The following IARS1 variants were observed in gnomAD, a reference collection of about 807,000 sequenced individuals.
The protein encoded by IARS1 is isoleucyl-tRNA synthetase 1, also known as isoleucine--tRNA ligase, cytoplasmic.
A neutral mutation model predicts 168.2 loss-of-function variants in IARS1; 124 were observed. That is an observed-to-expected ratio of 0.74 (90% confidence interval 0.64 to 0.86). IARS1 has a LOEUF of 0.86. IARS1 is among the 40% of genes least tolerant of loss of function. The pLI, the probability that IARS1 is intolerant of heterozygous loss-of-function variation, is 0.00. For synonymous variants in IARS1, 532 were observed against 529.4 expected (o/e 1.00, Z -0.07); for missense variants, 1,452 against 1,515.8 (o/e 0.96, Z 0.70).
intron 1 of IARS1, among the ~76,000 whole-genome samples, chr9:92,291,227 C>A (rs180816361): frequency 6.6e-6 from 1 of 151,920 alleles, no homozygotes; most frequent in East Asian, 1.9e-4. Flanking sequence ...AGTATCAGAT[C>A]AGAAGGGGAT....
intron 16 of IARS1, among the ~76,000 whole-genome samples, chr9:92,263,364 A>C (rs963229766): frequency 3.3e-5 from 5 of 152,252 alleles, no homozygotes; most frequent in Admixed American, 2.6e-4. Flanking sequence ...AGAAGCACCT[A>C]GCTGAAGATG....
chr9:92,252,218 A>T (rs1225052201), intron 21 of IARS1, among the ~76,000 whole-genome samples: 1 of 152,254 alleles, frequency 6.6e-6, no homozygotes, highest in Admixed American at 6.5e-5. Flanking sequence ...AGACAAAAAC[A>T]GTTGCTAACC....
chr9:92,277,920 A>C lies in IARS1; in HGVS notation c.837T>G (p.Phe279Leu). 6.2e-7 allele frequency: 1 copy of C among 1,613,722 alleles called. No homozygotes were observed. Among genetic ancestry groups the C allele is most frequent in the Non-Finnish European group, 8.5e-7 (1 of 1,179,784 alleles). Residue 279 changes from phenylalanine to leucine, a missense_variant, in exon 9 of 34, where the codon TTT becomes TTG. Coordinates refer to ENST00000443024, the MANE Select transcript of IARS1 (RefSeq NM_002161.6). The stretch of plus-strand genomic sequence containing the variant: ...TCTTGCCTTTAAGATAGGCACCAGG[A>C]AATCTAGAAAAGGAGAAAGGCAAAC... ...LESDYEILER[F>L]PGAYLKGKKY...
At position 92,242,338 on chromosome 9, in the gene IARS1, C is replaced by G. The variant is rs1192519263; in HGVS notation, c.3001-8G>C. On this transcript the variant is annotated splice_region_variant and splice_polypyrimidine_tract_variant and intron_variant, in intron 28 of 33. Coordinates refer to ENST00000443024, the MANE Select transcript of IARS1 (RefSeq NM_002161.6). ...AGTTGGAACCAGATTGCACTGAAAA[C>G]ACACACAGAAAAATTTAAAAGGGAA... 1.2e-6 allele frequency: 2 copies of G among 1,604,100 alleles called. No homozygotes were observed. The highest frequency in any genetic ancestry group is 2.2e-5 in the South Asian group (2 of 89,382).
rs1587708339 is a variant in IARS1, at chr9:92,223,508, A to C, written c.3410-19T>G. ...TGTATTTCTAAAAATAACAACAACA[A>C]TTCTTTCAGGGTTAACGAACAAATT... On this transcript the variant is annotated intron_variant, in intron 31 of 33. Coordinates refer to ENST00000443024, the MANE Select transcript of IARS1 (RefSeq NM_002161.6). The C allele has an allele frequency of 1.2e-6, 2 of 1,603,018 alleles. No individual in the cohort carries two copies. Among genetic ancestry groups the C allele is most frequent in the Middle Eastern group, 3.4e-4 (2 of 5,804 alleles).
chr9:92,234,728 T>G (rs1425167079), intron 30 of IARS1, among the ~76,000 whole-genome samples: 1 of 152,168 alleles, frequency 6.6e-6, no homozygotes. Context: ...CAGGGAACCA[T>G]GTACTGTCTG....
At chr9:92,217,215 T>G (rs1460574576) in intron 33 of IARS1, among the ~76,000 whole-genome samples, 1 of 151,956 alleles carries the variant, frequency 6.6e-6, no homozygotes. Context: ...AAGATGTTCT[T>G]TGAAACCAAT....
intron 33 of IARS1, among the ~76,000 whole-genome samples, chr9:92,219,860 C>T (rs1049293037): frequency 6.7e-5 from 10 of 149,894 alleles, no homozygotes; most frequent in African/African-American, 2.2e-4. Flanking sequence ...GTCAGTGTGG[C>T]GATTCCTCAG....
At chr9:92,260,018 T>A in intron 18 of IARS1, 133 bp downstream of exon 18, 1 of 654,740 alleles carries the variant, frequency 1.5e-6, no homozygotes, top group Non-Finnish European at 2.7e-6. Context: ...CATACCAACA[T>A]AACATCCAAA....
intron 17 of IARS1, among the ~76,000 whole-genome samples, chr9:92,260,999 A>G (rs1471907120): frequency 1.3e-5 from 2 of 152,100 alleles, no homozygotes; most frequent in East Asian, 3.9e-4. Context: ...TAAAATCTCA[A>G]TGGAATTATG....
At chr9:92,288,061 A>G (rs1217437074) in intron 3 of IARS1, 65 bp downstream of exon 3, 133 of 1,545,432 alleles carry the variant, frequency 8.6e-5, no homozygotes, top group Non-Finnish European at 1.1e-4. Flanking sequence ...TGAACATATT[A>G]TATGACAAAA....
rs1587725329 is a variant in IARS1, at chr9:92,229,087, C to A, written c.3323G>T (p.Arg1108Met). Residue 1108 changes from arginine (R) to methionine (M), a missense_variant, in exon 31 of 34, where the codon AGG (arginine) becomes ATG (methionine). Transcript: ENST00000443024. Reference protein sequence around the residue: ...LLLENPKGDNRLDLLKLKSVV... With the variant: ...LLLENPKGDNMLDLLKLKSVV... ...ACTCTTCAGCTTTAAAAGGTCCAAC[C>A]TATTGTCACCTTTTGGATTTTCCAG... is the stretch of plus-strand genomic sequence containing the variant. 6.2e-7 allele frequency: 1 copy of A among 1,613,918 alleles called. No homozygotes were observed. Among genetic ancestry groups the A allele is most frequent in the East Asian group, 2.2e-5 (1 of 44,868 alleles).
chr9:92,218,751 A>G (rs1270981240), intron 33 of IARS1, among the ~76,000 whole-genome samples: 5 of 137,318 alleles, frequency 3.6e-5, no homozygotes, highest in African/African-American at 1.2e-4. Flanking sequence ...ACTACAAACC[A>G]CTGCTCAAGG....
At chr9:92,279,955 T>G (rs975714061) in intron 7 of IARS1, among the ~76,000 whole-genome samples, 1 of 152,248 alleles carries the variant, frequency 6.6e-6, no homozygotes, top group Non-Finnish European at 1.5e-5. Context: ...ATTCAAGGCA[T>G]AGCCTGTATC....
At position 92,281,980 on chromosome 9, in the gene IARS1, T is replaced by C. The variant is rs74358593; in HGVS notation, c.598-1087A>G. ...CTTTTTTGTTTTTCTTTCCTTCTTTTTTTCTTGTTAACTATAAAGGACACT... is the reference window on the plus strand; with the variant it reads ...CTTTTTTGTTTTTCTTTCCTTCTTTCTTTCTTGTTAACTATAAAGGACACT... On this transcript the variant is annotated intron_variant, in intron 6 of 33. Transcript: ENST00000443024. Among the ~76,000 whole-genome samples, 735 of 151,990 alleles carry C rather than the reference T, an allele frequency of 4.8e-3. 6 individuals carry two copies. The highest frequency in any genetic ancestry group is 0.015 in the African/African-American group (641 of 41,416).
chr9:92,244,866 T>C (rs1828947760), intron 27 of IARS1, 93 bp downstream of exon 27: 1 of 943,750 alleles, frequency 1.1e-6, no homozygotes, highest in South Asian at 1.4e-5. Flanking sequence ...TGAGACAAGC[T>C]GTCAACATTA....
At chr9:92,287,071 T>A (rs1835576034) in intron 4 of IARS1, among the ~76,000 whole-genome samples, 1 of 152,202 alleles carries the variant, frequency 6.6e-6, no homozygotes, top group Admixed American at 6.5e-5. Flanking sequence ...GTTATCACCA[T>A]CAATGTGACA....
rs1428363600 is a variant in IARS1, at chr9:92,222,623, C to T, written c.3603G>A (p.Gly1201=). 3 of 1,614,022 alleles carry T rather than the reference C, an allele frequency of 1.9e-6. No individual in the cohort carries two copies. The highest frequency in any genetic ancestry group is 2.5e-6 in the Non-Finnish European group (3 of 1,179,978). ...VGTLLLENPL[G]QNGLTHQGLL... is the part of the protein sequence containing the mutation. ...GACCTTGGTGGGTGAGTCCATTCTG[C>T]CCAAGTGGGTTTTCAAGCAGGAGAG... is the stretch of plus-strand genomic sequence containing the variant. The change falls in exon 33 of 34, where the codon GGG becomes GGA. Residue 1201 remains glycine (G), a synonymous_variant. Transcript: ENST00000443024.
intron 6 of IARS1, among the ~76,000 whole-genome samples, chr9:92,285,498 A>C (rs1255416424): frequency 6.6e-6 from 1 of 152,214 alleles, no homozygotes; most frequent in Non-Finnish European, 1.5e-5. Context: ...TATCACATTA[A>C]GACACATCAT....
Sources: allele counts gnomAD v4.1 joint callset (sites outside exome capture counted in the v4.1 genomes callset), GRCh38; gene constraint gnomAD v4.1.1; transcripts MANE v1.5; gene names NCBI Gene and HGNC (gene_info 2026-07-23, HGNC 2026-07-21).